The following DPP6 variants were observed in gnomAD, a reference collection of about 807,000 sequenced individuals.
DPP6 encodes A-type potassium channel modulatory protein DPP6.
In DPP6, 69 loss-of-function variants were observed where a neutral mutation model predicts 122.6. That is an observed-to-expected ratio of 0.56 (90% confidence interval 0.46 to 0.69). DPP6 has a LOEUF of 0.69. Among genes scored for constraint, DPP6 ranks in the 30% least tolerant of loss-of-function variants. The pLI, the probability that DPP6 is intolerant of heterozygous loss-of-function variation, is 0.00. For synonymous variants in DPP6, 418 were observed against 433.1 expected, an observed-to-expected ratio of 0.97 and a Z score of 0.43; for missense variants, 928 against 1,116.9, an observed-to-expected ratio of 0.83 and a Z score of 2.41.
intron 1 of DPP6, among the ~76,000 whole-genome samples, chr7:154,160,148 T>TC (rs1385385375): frequency 6.6e-6 from 1 of 151,342 alleles, no homozygotes; most frequent in Non-Finnish European, 1.5e-5. Flanking sequence ...ACATCAGACA[T>TC]AGAGCGGTTA....
At position 154,142,383 on chromosome 7, in the gene DPP6, C is replaced by T. The variant is rs142517266; in HGVS notation, c.243+89320C>T. Among the ~76,000 whole-genome samples the T allele has an allele frequency of 5.1e-3, 777 of 152,184 alleles. 6 individuals carry two copies. Among genetic ancestry groups the T allele is most frequent in the African/African-American group, 0.018 (743 of 41,496 alleles). On this transcript the variant is annotated intron_variant, in intron 1 of 25. Coordinates refer to ENST00000377770, the MANE Select transcript of DPP6 (RefSeq NM_130797.4). ...TCAATGGGCAGATATACAGTGAACACAAATATAAATAAACACAGTTCCATG... is the reference window on the plus strand; with the variant it reads ...TCAATGGGCAGATATACAGTGAACATAAATATAAATAAACACAGTTCCATG...
Position 154,025,819 on chromosome 7 carries a change from A to G in DPP6, c.51+138085A>G, listed in dbSNP as rs376597442. On this transcript the variant is annotated intron_variant, in intron 1 of 25. Transcript: ENST00000404039. ...TTTCTCATAGTAGATTGCAGTCACAAAAGTTTGAAAGCCTTTGAACCCCCT... is the reference window on the plus strand; with the variant it reads ...TTTCTCATAGTAGATTGCAGTCACAGAAGTTTGAAAGCCTTTGAACCCCCT... Among the ~76,000 whole-genome samples, 521 of 149,616 alleles carry G rather than the reference A, an allele frequency of 3.5e-3. 3 individuals are homozygous for G. The highest frequency in any genetic ancestry group is 0.019 in the East Asian group (94 of 5,060).
the DPP6 span, among the ~76,000 whole-genome samples, chr7:153,806,786 G>T: frequency 6.6e-6 from 1 of 151,938 alleles, no homozygotes; most frequent in African/African-American, 2.4e-5. Context: ...CTTTGTTCTA[G>T]TGCTGTTGTG....
intron 5 of DPP6, among the ~76,000 whole-genome samples, chr7:154,577,026 G>A (rs976963828): frequency 1.3e-5 from 2 of 152,120 alleles, no homozygotes; most frequent in Non-Finnish European, 2.9e-5. Context: ...GAAGGTAAGT[G>A]CAGCTAGGTT....
intron 1 of DPP6, among the ~76,000 whole-genome samples, chr7:153,903,757 GCACCTCATCTT>G (rs766938615): frequency 7.9e-4 from 120 of 152,294 alleles, no homozygotes; most frequent in Non-Finnish European, 1.4e-3. Flanking sequence ...GTGCTGGAAA[GCACCTCATCTT>G]TTGTCTTTTC....
At chr7:153,964,197 T>C (rs1188269895) in intron 1 of DPP6, among the ~76,000 whole-genome samples, 3 of 152,078 alleles carry the variant, frequency 2.0e-5, no homozygotes, top group Admixed American at 2.0e-4. Context: ...GGTTTCACCA[T>C]GTTGATCAAG....
At chr7:154,853,713 T>G (rs2150578862) in intron 16 of DPP6, 67 bp from the exon 17 acceptor site, 2 of 1,589,478 alleles carry the variant, frequency 1.3e-6, no homozygotes, top group Non-Finnish European at 1.7e-6. Flanking sequence ...AAGCCTGTTT[T>G]CTTGTTCTCG....
chr7:154,366,099 A>G (rs892735641), intron 1 of DPP6, among the ~76,000 whole-genome samples: 2 of 152,098 alleles, frequency 1.3e-5, no homozygotes, highest in African/African-American at 4.8e-5. Context: ...GTCACAGCTT[A>G]TAACCTGCTC....
intron 7 of DPP6, among the ~76,000 whole-genome samples, chr7:154,707,973 A>T (rs1840926897): frequency 6.6e-6 from 1 of 152,200 alleles, no homozygotes; most frequent in Non-Finnish European, 1.5e-5. Context: ...TCCTCTATCC[A>T]TCCGTTACAA....
At chr7:154,030,522 T>C (rs1799172144) in intron 1 of DPP6, among the ~76,000 whole-genome samples, 1 of 152,080 alleles carries the variant, frequency 6.6e-6, no homozygotes, top group African/African-American at 2.4e-5. Flanking sequence ...AGCTCCTGCA[T>C]CATAACGGTG....
intron 1 of DPP6, among the ~76,000 whole-genome samples, chr7:154,113,660 C>T (rs1335133207): frequency 6.6e-6 from 1 of 151,840 alleles, no homozygotes; most frequent in East Asian, 1.9e-4. Flanking sequence ...AAGTCATTGC[C>T]TGGGCCAATG....
the DPP6 span, among the ~76,000 whole-genome samples, chr7:153,772,598 G>T: frequency 1.9e-3 from 283 of 152,046 alleles, 1 homozygote; most frequent in African/African-American, 6.6e-3. Flanking sequence ...CTAGGACGAT[G>T]GTAGATTTTA....
At chr7:154,135,422 AAG>A (rs1254516467) in intron 1 of DPP6, among the ~76,000 whole-genome samples, 1 of 147,736 alleles carries the variant, frequency 6.8e-6, no homozygotes, top group Non-Finnish European at 1.5e-5. Flanking sequence ...TGCACTTCCT[AAG>A]AGAGCATGCT....
Position 154,067,836 on chromosome 7 carries a change from C to A in DPP6, c.243+14773C>A, listed in dbSNP as rs372875673. Among the ~76,000 whole-genome samples the A allele has an allele frequency of 3.6e-4, 55 of 151,944 alleles. No homozygotes were observed. In the East Asian group the frequency reaches 9.8e-3, roughly 27 times the overall value. On this transcript the variant is annotated intron_variant, in intron 1 of 25. Transcript: ENST00000377770. ...CATAGCTCACTGCAACCTCGAACTCCTGGGCTCAAGCGATCTTCCTGCCTC... is the reference window on the plus strand; with the variant it reads ...CATAGCTCACTGCAACCTCGAACTCATGGGCTCAAGCGATCTTCCTGCCTC...
At chr7:154,271,009 A>G (rs1466498540) in intron 1 of DPP6, among the ~76,000 whole-genome samples, 1 of 152,214 alleles carries the variant, frequency 6.6e-6, no homozygotes, top group Non-Finnish European at 1.5e-5. Context: ...TACTGCAACA[A>G]TAATAAGCTG....
intron 10 of DPP6, 119 bp downstream of exon 10, chr7:154,773,061 G>C: frequency 2.3e-6 from 3 of 1,293,290 alleles, no homozygotes; most frequent in Non-Finnish European, 3.0e-6. Flanking sequence ...CAAGAAAAAG[G>C]TACCTTTCCT....
At chr7:154,597,696 G>A (rs1321418805) in intron 5 of DPP6, among the ~76,000 whole-genome samples, 3 of 152,298 alleles carry the variant, frequency 2.0e-5, no homozygotes, top group South Asian at 2.1e-4. Context: ...CAATGAAAAT[G>A]TATTGTCTCA....
chr7:154,813,624 G>T (rs528212053), intron 16 of DPP6, among the ~76,000 whole-genome samples: 104 of 152,104 alleles, frequency 6.8e-4, no homozygotes, highest in Middle Eastern at 3.4e-3. Context: ...GCCAAACTCA[G>T]TGGAACATTG....
chr7:154,689,405 A>G (rs1168497347), intron 7 of DPP6, among the ~76,000 whole-genome samples: 1 of 152,034 alleles, frequency 6.6e-6, no homozygotes, highest in Non-Finnish European at 1.5e-5. Flanking sequence ...TCTATGAAGT[A>G]TGTTTTCTGA....
Sources: allele counts gnomAD v4.1 joint callset (sites outside exome capture counted in the v4.1 genomes callset), GRCh38; gene constraint gnomAD v4.1.1; transcripts MANE v1.5; gene names NCBI Gene and HGNC (gene_info 2026-07-23, HGNC 2026-07-21).